Variants in MEGF11 observed in about 807,000 individuals in gnomAD.
MEGF11 encodes the protein multiple epidermal growth factor-like domains protein 11.
A neutral mutation model predicts 146.6 loss-of-function variants in MEGF11; 126 were observed. The ratio of observed to expected loss-of-function variants is 0.86; its 90% CI spans 0.74 to 1.00. The LOEUF (loss-of-function observed/expected upper bound fraction) is 1.00, where lower values mean the gene tolerates loss of function less well. Among genes scored for constraint, MEGF11 ranks in the 50% least tolerant of loss-of-function variants. The pLI is 0.00. For synonymous variants in MEGF11, 532 were observed against 583.4 expected (o/e 0.91, Z 1.27); for missense variants, 1,509 against 1,521.2 (o/e 0.99, Z 0.13).
intron 24 of MEGF11, among the ~76,000 whole-genome samples, chr15:65,903,275 A>C (rs1023561775): frequency 2.0e-5 from 3 of 152,234 alleles, no homozygotes; most frequent in Non-Finnish European, 4.4e-5. Flanking sequence ...CCAGCATCAT[A>C]AAGGCGATGG....
At chr15:66,163,770 G>A (rs1339283008) in intron 1 of MEGF11, among the ~76,000 whole-genome samples, 1 of 152,214 alleles carries the variant, frequency 6.6e-6, no homozygotes, top group East Asian at 1.9e-4. Context: ...AGTGCACGGG[G>A]CATCAATCAG....
At chr15:66,064,671 C>T (rs1009112417) in intron 5 of MEGF11, among the ~76,000 whole-genome samples, 2 of 147,352 alleles carry the variant, frequency 1.4e-5, no homozygotes, top group Admixed American at 1.4e-4. Context: ...GCATGTACCA[C>T]CATCCCGGCT....
At chr15:66,188,437 G>A (rs993932908) in intron 1 of MEGF11, among the ~76,000 whole-genome samples, 23 of 151,900 alleles carry the variant, frequency 1.5e-4, no homozygotes, top group African/African-American at 5.3e-4. Flanking sequence ...CTCTATGTCT[G>A]CCCCAAGGCC....
At chr15:65,957,524 A>C in intron 10 of MEGF11, 23 bp downstream of exon 10, 1 of 1,607,834 alleles carries the variant, frequency 6.2e-7, no homozygotes, top group Admixed American at 1.7e-5. Context: ...CAGGAAGGCC[A>C]CGGGAGGCCC....
At chr15:66,016,615 C>T (rs1567203094) in intron 5 of MEGF11, among the ~76,000 whole-genome samples, 1 of 151,964 alleles carries the variant, frequency 6.6e-6, no homozygotes, top group South Asian at 2.1e-4. Flanking sequence ...AAGCTTCCAG[C>T]TACAAATCCA....
chr15:65,916,059 G>C (rs994888969), intron 18 of MEGF11, 89 bp downstream of exon 18: 2 of 1,443,402 alleles, frequency 1.4e-6, no homozygotes, highest in African/African-American at 2.8e-5. Flanking sequence ...ACAGAGCCCT[G>C]AGTGAGTGGA....
chr15:65,917,965 C>T lies in MEGF11; in HGVS notation c.2086+1G>A, dbSNP rs752087483. ...GGCATTCCCAGGTGGCAGCAGCTTA[C>T]CCTGTGAGCAGTCCTTGCCAATCCA... is the stretch of plus-strand genomic sequence containing the variant. On this transcript the variant is annotated splice_donor_variant, in intron 16 of 25. Coordinates refer to ENST00000395614, the MANE Select transcript of MEGF11 (RefSeq NM_001385028.1). LOFTEE classifies it high-confidence loss of function. 2.4e-5 allele frequency: 39 copies of T among 1,613,888 alleles called. No individual in the cohort carries two copies. Among genetic ancestry groups the T allele is most frequent in the Middle Eastern group, 1.6e-4 (1 of 6,084 alleles).
chr15:66,002,357 G>A (rs333544), intron 5 of MEGF11, among the ~76,000 whole-genome samples: 91,533 of 151,988 alleles, frequency 0.6, 28,976 homozygotes, highest in Non-Finnish European at 0.71. Flanking sequence ...GGGTGAGGAC[G>A]GGGGTGGAGT....
At chr15:66,094,569 T>C in intron 4 of MEGF11, 75 bp from the exon 5 acceptor site, 2 of 1,326,412 alleles carry the variant, frequency 1.5e-6, no homozygotes, top group Non-Finnish European at 2.1e-6. Flanking sequence ...AGGAGCATAA[T>C]CCATTTTGTC....
chr15:66,115,060 C>G (rs112473698), intron 4 of MEGF11, among the ~76,000 whole-genome samples: 1 of 152,238 alleles, frequency 6.6e-6, no homozygotes, highest in African/African-American at 2.4e-5. Context: ...AAGGCTTTCA[C>G]GCCCGGGCCT....
At chr15:66,159,832 A>G (rs1234100199) in intron 1 of MEGF11, among the ~76,000 whole-genome samples, 1 of 152,060 alleles carries the variant, frequency 6.6e-6, no homozygotes, top group Non-Finnish European at 1.5e-5. Context: ...CGAAGGGTTA[A>G]TTGAGGGAGA....
chr15:66,133,834 A>G (rs902573277), intron 1 of MEGF11, among the ~76,000 whole-genome samples: 2 of 152,208 alleles, frequency 1.3e-5, no homozygotes, highest in Non-Finnish European at 2.9e-5. Context: ...TTAATCTCCT[A>G]AAGAGTGATT....
At chr15:66,108,973 G>A (rs556957330) in intron 4 of MEGF11, among the ~76,000 whole-genome samples, 31 of 152,312 alleles carry the variant, frequency 2.0e-4, no homozygotes, top group South Asian at 4.1e-4. Context: ...GAGGCCGCCC[G>A]GTGCAGATGG....
At chr15:66,122,676 T>C (rs531494061) in intron 3 of MEGF11, among the ~76,000 whole-genome samples, 1 of 152,354 alleles carries the variant, frequency 6.6e-6, no homozygotes, top group South Asian at 2.1e-4. Context: ...TCTCACACTT[T>C]CCTCCATTTT....
chr15:66,149,869 C>G (rs1229667844), intron 1 of MEGF11, among the ~76,000 whole-genome samples: 1 of 152,206 alleles, frequency 6.6e-6, no homozygotes, highest in African/African-American at 2.4e-5. Flanking sequence ...CCAGGGCTTC[C>G]CAGCCCCACC....
chr15:66,234,831 G>A (rs1205790820), intron 1 of MEGF11, among the ~76,000 whole-genome samples: 8 of 152,128 alleles, frequency 5.3e-5, no homozygotes, highest in Admixed American at 3.9e-4. Flanking sequence ...TTCATAAAAC[G>A]CTGAGAAATT....
At chr15:66,054,018 C>A (rs1022147451) in intron 5 of MEGF11, among the ~76,000 whole-genome samples, 1 of 151,980 alleles carries the variant, frequency 6.6e-6, no homozygotes, top group Admixed American at 6.6e-5. Context: ...CCACCATGCC[C>A]GGCCTCCCTG....
rs199867601 is a variant in MEGF11, at chr15:66,190,549, T to C, written c.-8-62138A>G. Among the ~76,000 whole-genome samples, 4 of 152,228 alleles carry C rather than the reference T, an allele frequency of 2.6e-5. No homozygotes were observed. In the East Asian group the frequency reaches 7.7e-4, roughly 29 times the overall value. On this transcript the variant is annotated intron_variant, in intron 1 of 25. Transcript: ENST00000395614. ...TTGAGGCTAAACCAAGCAAGGTCCC[T>C]GGTAGGTAGAAAGGGAAAGGAGTGG...
chr15:66,061,483 C>G (rs1296654858), intron 5 of MEGF11, among the ~76,000 whole-genome samples: 1 of 152,140 alleles, frequency 6.6e-6, no homozygotes, highest in Non-Finnish European at 1.5e-5. Flanking sequence ...CTGGAGGAGG[C>G]AAGAGGAGGC....
Sources: gnomAD v4.1 joint callset for allele counts (sites outside exome capture counted in the v4.1 genomes callset) on GRCh38, gnomAD v4.1.1 for gene constraint, MANE v1.5 for transcripts, NCBI Gene and HGNC (gene_info 2026-07-23, HGNC 2026-07-21) for gene names.